ZNF75D: variants seen among roughly 807,000 people sequenced by gnomAD.
The protein encoded by ZNF75D is zinc finger protein 75D.
A neutral mutation model predicts 33.3 loss-of-function variants in ZNF75D; 33 were observed. That is an observed-to-expected ratio of 0.99 (90% CI 0.75 to 1.32). The LOEUF (loss-of-function observed/expected upper bound fraction) is 1.32. ZNF75D is among the 40% of genes most tolerant of loss of function. ZNF75D has a pLI of 0.00. For synonymous variants in ZNF75D, 113 were observed against 130.6 expected, an observed-to-expected ratio of 0.87 and a Z score of 0.92; for missense variants, 338 against 367.5, an observed-to-expected ratio of 0.92 and a Z score of 0.66.
chrX:135,304,228 A>G (rs1233879121), intron 1 of ZNF75D, among the ~76,000 whole-genome samples: 1 of 111,388 alleles, frequency 9.0e-6, no homozygotes, highest in Admixed American at 9.5e-5. Flanking sequence ...ATTTCCAAGA[A>G]TCCCTGGGGA....
In ZNF75D at chrX:135,341,599, C is replaced by A. The variant is rs1435043763; in HGVS notation, c.-391+169G>T. Among the ~76,000 whole-genome samples, 5 of 112,402 alleles carry A rather than the reference C, an allele frequency of 4.4e-5. No individual in the cohort carries two copies. The Admixed American group carries it at 4.7e-4, about 11-fold the overall frequency. On this transcript the variant is annotated intron_variant, in intron 1 of 6. Transcript: ENST00000370766. ...AGAATCCTCATACTATTTCCCTGAT[C>A]TGTGGAGTGAGGACTAATGTGGTAG...
intron 2 of ZNF75D, among the ~76,000 whole-genome samples, chrX:135,295,148 G>T (rs1203549009): frequency 3.6e-5 from 4 of 111,708 alleles, no homozygotes; most frequent in Admixed American, 1.9e-4. Flanking sequence ...TCCCTGAGGT[G>T]ATCCAGCAGA....
chrX:135,308,114 C>G (rs918507428), intron 1 of ZNF75D, among the ~76,000 whole-genome samples: 6 of 112,462 alleles, frequency 5.3e-5, no homozygotes, highest in African/African-American at 1.9e-4. Flanking sequence ...TCCACTTACC[C>G]TATTCTGCTC....
At chrX:135,319,900 C>A (rs782128786) in intron 1 of ZNF75D, among the ~76,000 whole-genome samples, 3 of 112,403 alleles carry the variant, frequency 2.7e-5, no homozygotes, top group Non-Finnish European at 5.6e-5. Flanking sequence ...AATATTCTAC[C>A]TACTGTTTCT....
rs150700463 is a variant in ZNF75D at position 135,287,736 on chromosome X, G to A, written c.934C>T (p.Gln312Ter). ...VSKKTRMKIA[Q>*]KTMGRENPGD... is the part of the protein sequence containing the mutation. ...GGATTTTCCCTGCCCATTGTTTTCTGGGCAATTTTCATTCTGGTCTTTTTT... is the reference window on the plus strand; with the variant it reads ...GGATTTTCCCTGCCCATTGTTTTCTAGGCAATTTTCATTCTGGTCTTTTTT... The change falls in exon 7 of 7, where the codon CAG becomes TAG. Residue 312 changes from glutamine (Q) to a stop codon, truncating the protein, a stop_gained. Coordinates refer to ENST00000370766, the MANE Select transcript of ZNF75D (RefSeq NM_007131.5). LOFTEE classifies it high-confidence loss of function. 6.8e-4 allele frequency: 818 copies of A among 1,209,953 alleles called. 7 individuals carry two copies. The highest frequency in any genetic ancestry group is 1.1e-4 in the Admixed American group (5 of 45,784).
chrX:135,283,167 T>C (rs2083926986), downstream of ZNF75D, among the ~76,000 whole-genome samples: 1 of 111,701 alleles, frequency 9.0e-6, no homozygotes, highest in African/African-American at 3.3e-5. Flanking sequence ...AAGAGTGATA[T>C]TATCCCTCTA....
chrX:135,269,849 C>T (rs1556416722), intron 1 of ZNF75D, among the ~76,000 whole-genome samples: 1 of 111,620 alleles, frequency 9.0e-6, no homozygotes, highest in Non-Finnish European at 1.9e-5. Flanking sequence ...ACCTAAGTGT[C>T]CATCAACAGA....
chrX:135,282,457 A>C (rs1316691466), downstream of ZNF75D, among the ~76,000 whole-genome samples: 3 of 111,510 alleles, frequency 2.7e-5, no homozygotes, highest in African/African-American at 9.8e-5. Flanking sequence ...GAGCTAGTCC[A>C]CTTGGCTCCC....
chrX:135,331,397 G>GA (rs200831946), intron 1 of ZNF75D, among the ~76,000 whole-genome samples: 1,850 of 109,176 alleles, frequency 0.017, 43 homozygotes, highest in African/African-American at 0.057. Context: ...TGGCTTCCAG[G>GA]AAAAAAAAGC....
intron 1 of ZNF75D, among the ~76,000 whole-genome samples, chrX:135,269,805 C>T (rs1556416715): frequency 9.0e-6 from 1 of 111,657 alleles, no homozygotes; most frequent in Non-Finnish European, 1.9e-5. Context: ...ATGTTTATTG[C>T]CGCACTGGTC....
At chrX:135,301,392 C>T (rs1375030312) in intron 1 of ZNF75D, among the ~76,000 whole-genome samples, 1 of 111,594 alleles carries the variant, frequency 9.0e-6, no homozygotes, top group African/African-American at 3.3e-5. Context: ...CACAATCATG[C>T]CTTCCCAATA....
chrX:135,307,465 C>T (rs2084302715), intron 1 of ZNF75D, among the ~76,000 whole-genome samples: 1 of 111,719 alleles, frequency 9.0e-6, no homozygotes. Context: ...ACCGTTATCC[C>T]TCTGACAGCC....
At position 135,249,466 on chromosome X, in the gene ZNF75D, T is replaced by C. The variant is rs1358983914; in HGVS notation, n.1297-165A>G. On this transcript the variant is annotated intron_variant and non_coding_transcript_variant, in intron 3 of 3. Transcript: ENST00000494295. ...GCAACTTGTGATTTTTAAATTTCTT[T>C]GAGTTTCACATATGCATGAGTATAT... Among the ~76,000 whole-genome samples, 2 of 107,919 alleles carry C rather than the reference T, an allele frequency of 1.9e-5. 1 individual carries two copies. The allele number at this position is 107,919 out of a possible 115,157, so 93.7% of individuals were successfully genotyped here. A position where few individuals can be genotyped will look rare whatever the true frequency, so the allele number is the denominator to read the frequency against.
rs782231389 is a variant in ZNF75D at position 135,259,278 on chromosome X, GCT to G, written n.828-3503_828-3502del. On this transcript the variant is annotated intron_variant and non_coding_transcript_variant, in intron 1 of 3. Transcript: ENST00000494295. ...GCTTAGGATTGTCTTGGCAATGCAG[GCT>G]CTTTTTTGCTTCCATATGAACTTTA... Among the ~76,000 whole-genome samples the G allele has an allele frequency of 9.2e-4, 103 of 111,704 alleles. No homozygotes were observed. In the South Asian group the frequency reaches 0.015, roughly 16 times the overall value.
intron 3 of ZNF75D, among the ~76,000 whole-genome samples, chrX:135,250,419 A>G (rs1317826427): frequency 9.5e-6 from 1 of 105,433 alleles, no homozygotes; most frequent in Non-Finnish European, 2.0e-5. Context: ...CTATGTATAG[A>G]AAGGAAATGT....
chrX:135,280,811 T>C (rs998455287), downstream of ZNF75D, among the ~76,000 whole-genome samples: 5 of 111,948 alleles, frequency 4.5e-5, no homozygotes, highest in African/African-American at 1.3e-4. Context: ...TGTTGAATAT[T>C]GGCCCCCACT....
chrX:135,291,096 C>T lies in ZNF75D; in HGVS notation c.736G>A (p.Glu246Lys), dbSNP rs1484823420. The part of the protein sequence containing the change: ...TFEDVAVYFS[E>K]EEWQLLNPLE... Reference sequence around the variant, plus strand: ...GGATTCAATAATTGCCACTCTTCCTCAGAAAAATACACAGCCACATCTTCA... The same window carrying T: ...GGATTCAATAATTGCCACTCTTCCTTAGAAAAATACACAGCCACATCTTCA... The change falls in exon 6 of 7, where the codon GAG becomes AAG. Residue 246 changes from glutamate (E) to lysine (K), a missense_variant. Physicochemically the swap from Glu to Lys is moderately conservative, Grantham distance 56 (BLOSUM62 1). This residue lies in a region of ZNF75D where 254 missense variants were observed against 267.7 expected (regional missense o/e 0.95). Transcript: ENST00000370766. 2 of 1,209,824 alleles carry T rather than the reference C, an allele frequency of 1.7e-6. No individual in the cohort carries two copies. Among genetic ancestry groups the T allele is most frequent in the African/African-American group, 3.5e-5 (2 of 57,344 alleles).
At chrX:135,317,750 C>G (rs1556432387) in intron 1 of ZNF75D, among the ~76,000 whole-genome samples, 5 of 110,909 alleles carry the variant, frequency 4.5e-5, no homozygotes, top group Non-Finnish European at 3.8e-5. Flanking sequence ...TCCCCTGGCT[C>G]CTGGACTATG....
chrX:135,257,755 T>C (rs1488898163), intron 1 of ZNF75D, among the ~76,000 whole-genome samples: 1 of 112,472 alleles, frequency 8.9e-6, no homozygotes, highest in African/African-American at 3.2e-5. Flanking sequence ...TGGCATCTGT[T>C]TCTGGAGGAG....
Sources: allele counts gnomAD v4.1 joint callset (sites outside exome capture counted in the v4.1 genomes callset), GRCh38; gene constraint gnomAD v4.1.1; regional missense constraint gnomAD v4.1.1; transcripts MANE v1.5; gene names NCBI Gene and HGNC (gene_info 2026-07-23, HGNC 2026-07-21).